The following PGM2L1 variants were observed in gnomAD, a reference collection of about 807,000 sequenced individuals.
PGM2L1 encodes the protein glucose 1,6-bisphosphate synthase.
PGM2L1 carries 35 observed loss-of-function variants against 73.4 expected under a neutral mutation model. That is an observed-to-expected ratio of 0.48 (90% CI 0.36 to 0.63). The LOEUF is 0.63. PGM2L1 is among the 30% of genes least tolerant of loss of function. PGM2L1 has a pLI of 0.00. For missense variants in PGM2L1, 570 were observed against 742.0 expected (o/e 0.77, Z 2.69); for synonymous variants, 225 against 253.8 (o/e 0.89, Z 1.08).
Position 74,330,587 on chromosome 11 carries a change from A to G in PGM2L1, c.*6065T>C, listed in dbSNP as rs1435321867. The G allele has an allele frequency of 6.6e-6, 1 of 152,660 alleles. No individual in the cohort carries two copies. The highest frequency in any genetic ancestry group is 2.4e-5 in the African/African-American group (1 of 41,452). The allele number at this position is 152,660 out of a possible 1,614,324, so 9.5% of individuals were successfully genotyped here. ...ATTCAATGAGGCATACAAAGAGTTT[A>G]TTCTAGCCTAGAACAACAAGGCCTC... On this transcript the variant is annotated 3_prime_UTR_variant, in exon 14 of 14. Transcript: ENST00000298198.
intron 2 of PGM2L1, among the ~76,000 whole-genome samples, chr11:74,374,091 C>T (rs186072073): frequency 7.5e-6 from 1 of 132,942 alleles, no homozygotes; most frequent in East Asian, 2.3e-4. Flanking sequence ...AGAAAAAGTA[C>T]ACTTTTTTTT....
chr11:74,359,594 C>T (rs1021445541), intron 5 of PGM2L1, among the ~76,000 whole-genome samples: 2 of 151,216 alleles, frequency 1.3e-5, no homozygotes, highest in Non-Finnish European at 2.9e-5. Context: ...CATACATACA[C>T]ATAGAATGAG....
At chr11:74,393,477 G>A (rs1221581664) in intron 1 of PGM2L1, among the ~76,000 whole-genome samples, 1 of 152,086 alleles carries the variant, frequency 6.6e-6, no homozygotes, top group Non-Finnish European at 1.5e-5. Flanking sequence ...TTCTATCTGG[G>A]CTACATTAGG....
rs769016315 is a variant in PGM2L1 at position 74,371,745 on chromosome 11, G to A, written c.352C>T (p.Arg118Trp). The change falls in exon 3 of 14, where the codon CGG becomes TGG. Residue 118 changes from arginine to tryptophan, a missense_variant. Arg to Trp is a moderately radical substitution (Grantham distance 101, BLOSUM62 -3). Transcript: ENST00000298198. ...QRGFVVGYDTRGQVTSSCSSQ... is the reference protein window; with the variant it reads ...QRGFVVGYDTWGQVTSSCSSQ... ...CTGCAGCTGCTAGTTACTTGACCCC[G>A]AGTGTCATACCCAACCACAAAGCCT... 3.1e-6 allele frequency: 5 copies of A among 1,613,700 alleles called. No homozygotes were observed. The highest frequency in any genetic ancestry group is 2.7e-5 in the African/African-American group (2 of 74,866).
chr11:74,383,824 A>ATATATATAT (rs1862982924), intron 1 of PGM2L1, among the ~76,000 whole-genome samples: 5 of 121,836 alleles, frequency 4.1e-5, no homozygotes, highest in Non-Finnish European at 6.6e-5. Context: ...TATATAAATA[A>ATATATATAT]ATATATATAT....
At chr11:74,371,465 T>C (rs1862751929) in intron 3 of PGM2L1, among the ~76,000 whole-genome samples, 1 of 152,192 alleles carries the variant, frequency 6.6e-6, no homozygotes, top group South Asian at 2.1e-4. Context: ...ATATTAAAGT[T>C]ATAAGCTATG....
chr11:74,396,266 TAAA>T (rs141051355), intron 1 of PGM2L1, among the ~76,000 whole-genome samples: 102,238 of 139,422 alleles, frequency 0.73, 37,636 homozygotes, highest in Non-Finnish European at 0.81. Context: ...AGACCCTGTT[TAAA>T]AAAAAAAAAA....
chr11:74,396,702 C>T (rs768311752), intron 1 of PGM2L1, among the ~76,000 whole-genome samples: 6 of 152,294 alleles, frequency 3.9e-5, no homozygotes, highest in Middle Eastern at 3.4e-3. Flanking sequence ...GCCTGAGCCA[C>T]GGCGCCCGGC....
intron 5 of PGM2L1, among the ~76,000 whole-genome samples, chr11:74,363,497 G>A (rs1400508081): frequency 6.6e-6 from 1 of 152,096 alleles, no homozygotes. Context: ...GAAAAAAAGA[G>A]AGAAGAATCA....
At position 74,336,691 on chromosome 11, in the gene PGM2L1, A is replaced by T. The variant is rs569490571; in HGVS notation, c.1830T>A (p.Leu610=). The T allele has an allele frequency of 6.2e-7, 1 of 1,613,028 alleles. No homozygotes were observed. The highest frequency in any genetic ancestry group is 2.2e-5 in the East Asian group (1 of 44,834). The stretch of plus-strand genomic sequence containing the variant: ...AGATCAGTCCATTCTTACTAGGCTG[A>T]AGAAAATTCTCTATCAGAGCATCAA... The part of the protein sequence containing the change: ...KLIDALIENF[L]QPSKNGLIWR... Residue 610 remains leucine, a synonymous_variant, in exon 14 of 14, where the codon CTT becomes CTA. Transcript: ENST00000298198.
chr11:74,346,843 C>G lies in PGM2L1; in HGVS notation c.940-14G>C, dbSNP rs764055350. On this transcript the variant is annotated splice_polypyrimidine_tract_variant and intron_variant, in intron 7 of 13. Coordinates refer to ENST00000298198, the MANE Select transcript of PGM2L1 (RefSeq NM_173582.6). ...CAAGGAAAGTTCCTGAAACAGTGAC[C>G]CAAAAAGCTGGATTGTACTGAAGAA... is the stretch of plus-strand genomic sequence containing the variant. 1.9e-6 allele frequency: 3 copies of G among 1,594,552 alleles called. No homozygotes were observed. The highest frequency in any genetic ancestry group is 2.6e-6 in the Non-Finnish European group (3 of 1,162,400).
chr11:74,341,418 G>A lies in PGM2L1; in HGVS notation c.1632+1043C>T, dbSNP rs11236062. Among the ~76,000 whole-genome samples, 1,017 of 152,272 alleles carry A rather than the reference G, an allele frequency of 6.7e-3. 13 individuals carry two copies. Among genetic ancestry groups the A allele is most frequent in the African/African-American group, 0.023 (969 of 41,560 alleles). ...AGTAAAAGGAAAGCAACTGCTGGGC[G>A]TGGTGGCTCATGCCTGTAATCCTAG... On this transcript the variant is annotated intron_variant, in intron 12 of 13. Transcript: ENST00000298198.
intron 9 of PGM2L1, among the ~76,000 whole-genome samples, chr11:74,344,040 G>A (rs1862225599): frequency 6.6e-6 from 1 of 151,898 alleles, no homozygotes; most frequent in Non-Finnish European, 1.5e-5. Context: ...CTCCCAAAGT[G>A]CTGGGATTAC....
chr11:74,338,674 A>T, intron 12 of PGM2L1, 73 bp from the exon 13 acceptor site: 6 of 1,488,348 alleles, frequency 4.0e-6, no homozygotes, highest in Non-Finnish European at 4.6e-6. Flanking sequence ...CAAGAATTGT[A>T]AAATATAGTC....
chr11:74,344,825 T>C (rs142377720), intron 9 of PGM2L1, among the ~76,000 whole-genome samples: 140 of 152,346 alleles, frequency 9.2e-4, no homozygotes, highest in African/African-American at 3.0e-3. Flanking sequence ...TAAAGCCAGG[T>C]ACAATTTTCT....
At chr11:74,355,116 G>A in intron 5 of PGM2L1, 1 of 1,292,616 alleles carries the variant, frequency 7.7e-7, no homozygotes, top group South Asian at 1.2e-5. Context: ...AAACTTCAGT[G>A]GTTGTGGTGG....
chr11:74,382,476 T>C (rs946813473), intron 1 of PGM2L1, among the ~76,000 whole-genome samples: 7 of 152,320 alleles, frequency 4.6e-5, no homozygotes, highest in African/African-American at 1.7e-4. Flanking sequence ...TAGCTTCCAC[T>C]GCACTGTATT....
chr11:74,363,619 G>A (rs534560692), intron 5 of PGM2L1, among the ~76,000 whole-genome samples: 1 of 152,070 alleles, frequency 6.6e-6, no homozygotes, highest in Non-Finnish European at 1.5e-5. Flanking sequence ...TAGAAGAAAT[G>A]GATAAATTCC....
chr11:74,358,209 C>G (rs1229245749), intron 5 of PGM2L1, among the ~76,000 whole-genome samples: 1 of 152,074 alleles, frequency 6.6e-6, no homozygotes, highest in Non-Finnish European at 1.5e-5. Context: ...ATCATATGTA[C>G]CACTCTAATG....
Sources: allele counts gnomAD v4.1 joint callset (sites outside exome capture counted in the v4.1 genomes callset), GRCh38; gene constraint gnomAD v4.1.1; transcripts MANE v1.5; gene names NCBI Gene and HGNC (gene_info 2026-07-23, HGNC 2026-07-21).